INTS1: variants seen among roughly 807,000 people sequenced by gnomAD.
The protein encoded by INTS1 is integrator complex subunit 1.
Under a neutral mutation model 241.6 loss-of-function variants are expected in INTS1, and 137 were observed. The observed-to-expected ratio is 0.57, with a 90% CI of 0.49 to 0.65. The LOEUF (loss-of-function observed/expected upper bound fraction) is 0.65, where lower values mean the gene tolerates loss of function less well. Ranked by LOEUF, INTS1 falls within the 30% of genes least tolerant of loss-of-function variation. The pLI, the probability that INTS1 is intolerant of heterozygous loss-of-function variation, is 0.00. For missense variants in INTS1, 3,073 were observed against 3,032.2 expected (o/e 1.01, Z -0.32); for synonymous variants, 1,692 against 1,337.8 (o/e 1.26, Z -5.78).
intron 39 of INTS1, among the ~76,000 whole-genome samples, chr7:1,475,127 C>T (rs1781649356): frequency 6.6e-6 from 1 of 152,222 alleles, no homozygotes; most frequent in African/African-American, 2.4e-5. Context: ...CTCACGCCTG[C>T]CATCCCAGCA....
intron 43 of INTS1, 121 bp from the exon 44 acceptor site, chr7:1,472,507 C>G (rs951416314): frequency 1.5e-6 from 1 of 645,620 alleles, no homozygotes; most frequent in Admixed American, 3.1e-5. Flanking sequence ...GGTGCCTGCA[C>G]ACAGCAGCGC....
In INTS1 at chr7:1,478,524, G is replaced by A. The variant is rs1261388786; in HGVS notation, c.4490-18C>T. 4 of 1,605,672 alleles carry A rather than the reference G, an allele frequency of 2.5e-6. No homozygotes were observed. Among genetic ancestry groups the A allele is most frequent in the Non-Finnish European group, 3.4e-6 (4 of 1,177,080 alleles). On this transcript the variant is annotated intron_variant, in intron 32 of 47. Coordinates refer to ENST00000404767, the MANE Select transcript of INTS1 (RefSeq NM_001080453.3). ...CCCTCGCACTGTGGGAGGTCTGTGT[G>A]AGTGCCCTGTGGCTCCAGCCCTCAC...
intron 26 of INTS1, 93 bp from the exon 27 acceptor site, chr7:1,482,800 C>T: frequency 6.8e-7 from 1 of 1,467,508 alleles, no homozygotes; most frequent in South Asian, 1.3e-5. Flanking sequence ...CCTCCTCTCC[C>T]GAGAAGGAAA....
rs1034538609 is a variant in INTS1, at chr7:1,481,012, G to C, written c.3851-79C>G. Reference sequence around the variant, plus strand: ...TCCTTCCCTCTCCACAGAAACCAGAGTTGGAGATGCCCCCACCGTCACCAG... The same window carrying C: ...TCCTTCCCTCTCCACAGAAACCAGACTTGGAGATGCCCCCACCGTCACCAG... On this transcript the variant is annotated intron_variant, in intron 28 of 47. Transcript: ENST00000404767. This position sits in a 1 kb window ranked among gnomAD's most constrained non-coding sequence, Gnocchi z 6.8. 4 of 1,050,916 alleles carry C rather than the reference G, an allele frequency of 3.8e-6. No homozygotes were observed. The African/African-American group carries it at 6.3e-5, about 17-fold the overall frequency. 65.1% of individuals were successfully genotyped at this position (1,050,916 alleles called of 1,614,324 possible).
rs1019323484 is a variant in INTS1, at chr7:1,487,782, G to A, written c.2494C>T (p.Gln832Ter). The change falls in exon 19 of 48, where the codon CAG becomes TAG. Residue 832 changes from glutamine (Q) to a stop codon, truncating the protein, a stop_gained. Transcript: ENST00000404767. LOFTEE classifies it high-confidence loss of function. ...TACTGGGGGTCCAGGCTGGTGAGCT[G>A]CGACAGGAGGAGGCTGCTGCTCTCA... ...ITESSSLLLS[Q>*]LTSLDPQGPP... The A allele has an allele frequency of 6.2e-7, 1 of 1,609,922 alleles. No individual in the cohort carries two copies. Among genetic ancestry groups the A allele is most frequent in the Non-Finnish European group, 8.5e-7 (1 of 1,179,786 alleles).
chr7:1,493,825 G>A lies in INTS1; in HGVS notation c.1997C>T (p.Pro666Leu), dbSNP rs766751970. ...CTCCATGGCGTCCGCAGGCCCGAGC[G>A]GGAGCTCCCGGGACAGCCCGATGAC... The part of the protein sequence containing the change: ...ILVIGLSREL[P>L]LGPADAMELA... The change falls in exon 15 of 48, where the codon CCG becomes CTG. Residue 666 changes from proline to leucine, a missense_variant. Coordinates refer to ENST00000404767, the MANE Select transcript of INTS1 (RefSeq NM_001080453.3). The surrounding 1 kb of genome is among the most constrained non-coding windows in gnomAD (Gnocchi z 5.3). 1.4e-5 allele frequency: 22 copies of A among 1,572,212 alleles called. No individual in the cohort carries two copies. Among genetic ancestry groups the A allele is most frequent in the Middle Eastern group, 1.7e-4 (1 of 6,014 alleles).
Position 1,474,298 on chromosome 7 carries a change from C to A in INTS1, c.5699G>T (p.Arg1900Leu). 6.2e-7 allele frequency: 1 copy of A among 1,608,690 alleles called. No individual in the cohort carries two copies. Residue 1900 changes from arginine to leucine, a missense_variant, in exon 41 of 48, where the codon CGG (arginine) becomes CTG (leucine). Coordinates refer to ENST00000404767, the MANE Select transcript of INTS1 (RefSeq NM_001080453.3). ...GRTHLNFQEF[R>L]QQNHLSCFLH... ...GAAGCAGCTCAGGTGGTTCTGCTGC[C>A]GGAACTCCTGGAAGTTGAGGTGGGT...
intron 2 of INTS1, among the ~76,000 whole-genome samples, chr7:1,503,543 G>A (rs1783304183): frequency 6.6e-6 from 1 of 152,252 alleles, no homozygotes; most frequent in Non-Finnish European, 1.5e-5. Context: ...TCACACAGCA[G>A]GCGAGTGGCA....
chr7:1,492,036 G>A (rs1379850164), intron 16 of INTS1, among the ~76,000 whole-genome samples: 1 of 152,172 alleles, frequency 6.6e-6, no homozygotes, highest in South Asian at 2.1e-4. Context: ...CAGCGCTGGC[G>A]GGGACGCAAG....
intron 13 of INTS1, among the ~76,000 whole-genome samples, chr7:1,495,211 G>T (rs1278514469): frequency 6.6e-6 from 1 of 152,244 alleles, no homozygotes; most frequent in East Asian, 1.9e-4. Flanking sequence ...AATGCACAGG[G>T]TGACCTGCCT....
At chr7:1,501,888 C>G (rs926464767) in intron 3 of INTS1, among the ~76,000 whole-genome samples, 1 of 152,170 alleles carries the variant, frequency 6.6e-6, no homozygotes, top group South Asian at 2.1e-4. Flanking sequence ...GGCCTCCATT[C>G]CCTGGGCACA....
intron 44 of INTS1, among the ~76,000 whole-genome samples, chr7:1,471,976 C>T (rs1026233087): frequency 1.3e-4 from 20 of 152,212 alleles, no homozygotes; most frequent in Non-Finnish European, 2.2e-4. Flanking sequence ...ACTGCCCACC[C>T]GCTGGTCTTG....
Position 1,481,908 on chromosome 7 carries a change from A to G in INTS1, c.3704-420T>C, listed in dbSNP as rs776841641. On this transcript the variant is annotated intron_variant, in intron 27 of 47. Transcript: ENST00000404767. The surrounding 1 kb of genome is among the most constrained non-coding windows in gnomAD (Gnocchi z 6.8). The stretch of plus-strand genomic sequence containing the variant: ...ATCCCCAGGGGTGGGTGGGCGCTCC[A>G]GAGGGCCTATGGTGGCACGGCGCAG... Among the ~76,000 whole-genome samples the G allele has an allele frequency of 6.6e-6, 1 of 152,138 alleles. No homozygotes were observed. Among genetic ancestry groups the G allele is most frequent in the Non-Finnish European group, 1.5e-5 (1 of 68,010 alleles).
Position 1,475,984 on chromosome 7 carries a change from CAGT to C in INTS1, c.5463_5465del (p.Leu1822del), listed in dbSNP as rs1562487259. The stretch of plus-strand genomic sequence containing the variant: ...TGCTGCTGGCAGCCCCTTCGCTGTG[CAGT>C]AGGACCTCAGGCACGGGCACCCGCA... On this transcript the variant is annotated inframe_deletion, in exon 39 of 48. Transcript: ENST00000404767. 6.5e-7 allele frequency: 1 copy of C among 1,545,130 alleles called. No individual in the cohort carries two copies.
intron 3 of INTS1, among the ~76,000 whole-genome samples, chr7:1,501,508 C>T (rs1783180699): frequency 6.6e-6 from 1 of 152,082 alleles, no homozygotes; most frequent in Non-Finnish European, 1.5e-5. Context: ...CTCTGTTTTG[C>T]TGAGAATAAT....
At chr7:1,479,064 G>A (rs1781870568) in intron 31 of INTS1, among the ~76,000 whole-genome samples, 179 bp from the exon 32 acceptor site, 1 of 152,198 alleles carries the variant, frequency 6.6e-6, no homozygotes, top group Admixed American at 6.5e-5. Flanking sequence ...GGGCCCAGAC[G>A]ACCTCACAGA....
In INTS1 at chr7:1,483,790, G is replaced by A; in HGVS notation, c.3493C>T (p.Leu1165Phe). The A allele has an allele frequency of 1.2e-6, 2 of 1,612,492 alleles. No individual in the cohort carries two copies. The highest frequency in any genetic ancestry group is 2.7e-5 in the African/African-American group (2 of 75,044). ...AGGATCACCATGGCATGGACCACGAGGATGTGCATGGTGGCTGTCTCCCCG... is the reference window on the plus strand; with the variant it reads ...AGGATCACCATGGCATGGACCACGAAGATGTGCATGGTGGCTGTCTCCCCG... ...SSGETATMHI[L>F]VVHAMVILLT... The change falls in exon 26 of 48, where the codon CTC becomes TTC. Residue 1165 changes from leucine to phenylalanine, a missense_variant. By Grantham distance (22) the Leu-to-Phe change is conservative. Coordinates refer to ENST00000404767, the MANE Select transcript of INTS1 (RefSeq NM_001080453.3).
chr7:1,477,870 G>A lies in INTS1; in HGVS notation c.4697C>T (p.Ala1566Val), dbSNP rs1285097059. Residue 1566 changes from alanine (A) to valine (V), a missense_variant, in exon 34 of 48, where the codon GCC (alanine) becomes GTC (valine). Ala to Val is a moderately conservative substitution (Grantham distance 64). Transcript: ENST00000404767. ...LEELLTAFFSATADAASPFPA... is the reference protein window; with the variant it reads ...LEELLTAFFSVTADAASPFPA... ...AAACGGGGAGGCAGCATCCGCAGTG[G>A]CAGAGAAGAATGCAGTCAGCAGCTC... is the stretch of plus-strand genomic sequence containing the variant. 1 of 1,612,608 alleles carries A rather than the reference G, an allele frequency of 6.2e-7. No individual in the cohort carries two copies. Among genetic ancestry groups the A allele is most frequent in the South Asian group, 1.1e-5 (1 of 91,092 alleles).
At chr7:1,488,646 A>G (rs1241806041) in intron 18 of INTS1, among the ~76,000 whole-genome samples, 1 of 152,048 alleles carries the variant, frequency 6.6e-6, no homozygotes, top group Non-Finnish European at 1.5e-5. Context: ...TGGTCCCCAC[A>G]ATACCAGGGC....
Sources: allele counts gnomAD v4.1 joint callset (sites outside exome capture counted in the v4.1 genomes callset), GRCh38; gene constraint gnomAD v4.1.1; non-coding constraint Gnocchi (gnomAD v3.1); transcripts MANE v1.5; gene names NCBI Gene and HGNC (gene_info 2026-07-23, HGNC 2026-07-21).